ADAM9: variants seen among roughly 807,000 people sequenced by gnomAD.
ADAM9 encodes ADAM metallopeptidase domain 9.
A neutral mutation model predicts 108.1 loss-of-function variants in ADAM9; 54 were observed. The observed-to-expected ratio is 0.50, with a 90% confidence interval of 0.40 to 0.63. The LOEUF is 0.63. Among genes scored for constraint, ADAM9 ranks in the 20% least tolerant of loss-of-function variants. The pLI is 0.00. For synonymous variants in ADAM9, 316 were observed against 336.0 expected, an observed-to-expected ratio of 0.94 and a Z score of 0.65; for missense variants, 830 against 997.7, an observed-to-expected ratio of 0.83 and a Z score of 2.26.
At chr8:38,997,511 C>A (rs1835857836) in intron 1 of ADAM9, among the ~76,000 whole-genome samples, 2 of 152,208 alleles carry the variant, frequency 1.3e-5, no homozygotes, top group Admixed American at 1.3e-4. Flanking sequence ...CGGGCCGGAG[C>A]CCTGCAGGCT....
intron 1 of ADAM9, among the ~76,000 whole-genome samples, chr8:38,998,534 C>A (rs1835897552): frequency 6.6e-6 from 1 of 152,176 alleles, no homozygotes; most frequent in Non-Finnish European, 1.5e-5. Context: ...CTCCTCACTT[C>A]GGCATGTGTA....
chr8:39,091,736 C>T (rs576029573), intron 20 of ADAM9, among the ~76,000 whole-genome samples: 17 of 152,342 alleles, frequency 1.1e-4, no homozygotes, highest in African/African-American at 4.1e-4. Flanking sequence ...ATCCACCCGC[C>T]TTGGCCTCCC....
intron 12 of ADAM9, among the ~76,000 whole-genome samples, chr8:39,049,962 A>G (rs1358354743): frequency 2.6e-5 from 4 of 152,174 alleles, no homozygotes; most frequent in Non-Finnish European, 5.9e-5. Context: ...AATCATGATG[A>G]ACTTCCCTGC....
intron 15 of ADAM9, among the ~76,000 whole-genome samples, chr8:39,074,477 C>T (rs1314512860): frequency 6.6e-6 from 1 of 152,072 alleles, no homozygotes; most frequent in East Asian, 1.9e-4. Context: ...TTTGCTGAAC[C>T]ATTTTAAGTA....
intron 18 of ADAM9, among the ~76,000 whole-genome samples, chr8:39,085,491 T>C (rs958821514): frequency 1.3e-5 from 2 of 152,212 alleles, no homozygotes; most frequent in African/African-American, 4.8e-5. Context: ...GGATTTCCTT[T>C]TACATTTCTT....
At chr8:39,096,658 CTATT>C (rs1414614584) in intron 20 of ADAM9, among the ~76,000 whole-genome samples, 1 of 152,104 alleles carries the variant, frequency 6.6e-6, no homozygotes, top group Non-Finnish European at 1.5e-5. Context: ...TTTTGTGTTG[CTATT>C]TATTTTCCTT....
chr8:39,062,476 C>G (rs1838328799), intron 14 of ADAM9, among the ~76,000 whole-genome samples: 1 of 152,180 alleles, frequency 6.6e-6, no homozygotes, highest in African/African-American at 2.4e-5. Flanking sequence ...TATCTTGCTT[C>G]TACTTAGACA....
chr8:39,009,124 A>G (rs977763567), intron 2 of ADAM9, among the ~76,000 whole-genome samples: 2 of 152,198 alleles, frequency 1.3e-5, no homozygotes, highest in African/African-American at 2.4e-5. Flanking sequence ...ACCACCTACT[A>G]GTTGGGTTGG....
intron 20 of ADAM9, among the ~76,000 whole-genome samples, chr8:39,097,972 T>C (rs1042979102): frequency 6.6e-6 from 1 of 152,248 alleles, no homozygotes; most frequent in African/African-American, 2.4e-5. Flanking sequence ...GATTGTCTGC[T>C]TTCAACCTTA....
intron 14 of ADAM9, among the ~76,000 whole-genome samples, chr8:39,056,654 T>G (rs1838132839): frequency 6.6e-6 from 1 of 152,206 alleles, no homozygotes; most frequent in South Asian, 2.1e-4. Flanking sequence ...CTAGAGTTAC[T>G]AATTCTGTCT....
chr8:39,022,319 T>C (rs1836774180), intron 8 of ADAM9, among the ~76,000 whole-genome samples: 2 of 152,230 alleles, frequency 1.3e-5, no homozygotes, highest in South Asian at 4.1e-4. Flanking sequence ...TTAACCCATT[T>C]ACTCCTTACA....
chr8:39,042,644 C>CT (rs1837488824), intron 12 of ADAM9, among the ~76,000 whole-genome samples: 2 of 151,662 alleles, frequency 1.3e-5, no homozygotes, highest in African/African-American at 4.8e-5. Flanking sequence ...CTTTTACTTC[C>CT]TTTTTTTATG....
chr8:39,096,348 TG>T (rs1554587789), intron 20 of ADAM9, among the ~76,000 whole-genome samples: 5 of 152,054 alleles, frequency 3.3e-5, no homozygotes, highest in East Asian at 1.9e-4. Flanking sequence ...ACATATATTG[TG>T]ATATCTTTGC....
In ADAM9 at chr8:39,013,044, A is replaced by G. The variant is rs376097165; in HGVS notation, c.255-921A>G. Among the ~76,000 whole-genome samples, 9 of 152,264 alleles carry G rather than the reference A, an allele frequency of 5.9e-5. No homozygotes were observed. In the East Asian group the frequency reaches 1.3e-3, roughly 23 times the overall value. The stretch of plus-strand genomic sequence containing the variant: ...TATGAATCACTAGTTAGCACATTAC[A>G]TCTCTGACTTGTCCATAAGGCCTGG... On this transcript the variant is annotated intron_variant, in intron 3 of 21. Transcript: ENST00000487273.
intron 12 of ADAM9, among the ~76,000 whole-genome samples, chr8:39,053,596 G>A (rs1159659231): frequency 1.3e-5 from 2 of 152,114 alleles, no homozygotes; most frequent in East Asian, 3.9e-4. Context: ...TTTTCACCCA[G>A]TTTTCCTTAG....
intron 11 of ADAM9, among the ~76,000 whole-genome samples, chr8:39,040,834 G>A (rs762249830): frequency 2.0e-5 from 3 of 152,144 alleles, no homozygotes; most frequent in Non-Finnish European, 2.9e-5. Context: ...GGCACCAGGA[G>A]GATACAATGG....
intron 21 of ADAM9, among the ~76,000 whole-genome samples, chr8:39,102,225 G>A (rs901592697): frequency 3.3e-5 from 5 of 152,180 alleles, no homozygotes; most frequent in African/African-American, 1.2e-4. Context: ...TAGGAAACCA[G>A]ATGGGTTGGA....
chr8:39,016,254 G>C, intron 5 of ADAM9, 60 bp downstream of exon 5: 1 of 1,426,092 alleles, frequency 7.0e-7, no homozygotes. Flanking sequence ...CCTCTTTCCT[G>C]TTTCTGTCTC....
chr8:39,007,838 G>A (rs752094074), intron 1 of ADAM9, 48 bp from the exon 2 acceptor site: 50 of 1,269,886 alleles, frequency 3.9e-5, no homozygotes, highest in Admixed American at 8.5e-5. Context: ...GTGTTCCCAC[G>A]TAGTTTTTCA....
Sources: gnomAD v4.1 joint callset for allele counts (sites outside exome capture counted in the v4.1 genomes callset) on GRCh38, gnomAD v4.1.1 for gene constraint, MANE v1.5 for transcripts, NCBI Gene and HGNC (gene_info 2026-07-23, HGNC 2026-07-21) for gene names.